The following CELF2 variants were observed in gnomAD, a reference collection of about 807,000 sequenced individuals.
The protein encoded by CELF2 is CUG triplet repeat RNA-binding protein 2.
A neutral mutation model predicts 62.6 loss-of-function variants in CELF2; 8 were observed. That is an observed-to-expected ratio of 0.13 (90% CI 0.07 to 0.23). The LOEUF (loss-of-function observed/expected upper bound fraction) is 0.23, where lower values mean the gene tolerates loss of function less well. CELF2 is among the 10% of genes least tolerant of loss of function. CELF2 has a pLI of 1.00. For synonymous variants in CELF2, 258 were observed against 250.0 expected, an observed-to-expected ratio of 1.03 and a Z score of -0.30; for missense variants, 333 against 671.0, an observed-to-expected ratio of 0.50 and a Z score of 5.56.
rs757818509 is a variant in CELF2, at chr10:11,165,367, C to T, written c.75-119C>T. ...TCAAATTTCTACGACTCATTAGGCA[C>T]TTTGCCACTGCTCTTCTTCCTCCTC... On this transcript the variant is annotated intron_variant, in intron 1 of 12. Coordinates refer to ENST00000633077, the MANE Select transcript of CELF2 (RefSeq NM_001326342.2). This position sits in a 1 kb window ranked among gnomAD's most constrained non-coding sequence, Gnocchi z 7.4. The T allele has an allele frequency of 3.3e-4, 493 of 1,511,960 alleles. No individual in the cohort carries two copies. The highest frequency in any genetic ancestry group is 3.9e-4 in the Non-Finnish European group (437 of 1,133,924). 93.7% of individuals were successfully genotyped at this position (1,511,960 alleles called of 1,614,324 possible).
At position 11,165,056 on chromosome 10, in the gene CELF2, G is replaced by GTC; in HGVS notation, c.75-430_75-429insTC. Reference sequence around the variant, plus strand: ...AAAGGGCGGTGGGGCGGGGGGCGGGGCAGGGAGAGGGAGAGAAATCCAGCA... The same window carrying GTC: ...AAAGGGCGGTGGGGCGGGGGGCGGGGTCCAGGGAGAGGGAGAGAAATCCAGCA... On this transcript the variant is annotated intron_variant, in intron 1 of 12. Transcript: ENST00000633077. This position sits in a 1 kb window ranked among gnomAD's most constrained non-coding sequence, Gnocchi z 7.4. 1 of 292,404 alleles carries GTC rather than the reference G, an allele frequency of 3.4e-6. No homozygotes were observed. 18.1% of individuals were successfully genotyped at this position (292,404 alleles called of 1,614,324 possible).
chr10:10,653,515 A>G, the CELF2 span, among the ~76,000 whole-genome samples: 6 of 139,054 alleles, frequency 4.3e-5, no homozygotes, highest in Non-Finnish European at 7.8e-5. Context: ...ATAACAAACT[A>G]TCTCTCAGAC....
chr10:11,167,965 C>T lies in CELF2; in HGVS notation c.271+2283C>T, dbSNP rs528932948. Among the ~76,000 whole-genome samples, 6 of 152,180 alleles carry T rather than the reference C, an allele frequency of 3.9e-5. No individual in the cohort carries two copies. The South Asian group carries it at 1.2e-3, about 32-fold the overall frequency. On this transcript the variant is annotated intron_variant, in intron 2 of 12. Transcript: ENST00000633077. The stretch of plus-strand genomic sequence containing the variant: ...GGAGATTCGGACATGGTCCATCTGT[C>T]TTCATGGACTACACCATTTTGCGTC...
chr10:11,155,481 T>G (rs1261083786), intron 1 of CELF2, among the ~76,000 whole-genome samples: 1 of 152,118 alleles, frequency 6.6e-6, no homozygotes, highest in Non-Finnish European at 1.5e-5. Flanking sequence ...TGAGAGATCT[T>G]GGAGGAGTGG....
chr10:10,686,430 C>T, the CELF2 span, among the ~76,000 whole-genome samples: 8 of 151,924 alleles, frequency 5.3e-5, no homozygotes, highest in South Asian at 8.3e-4. Flanking sequence ...TTGTGATCAC[C>T]GCATCCCTGA....
intron 1 of CELF2, 34 bp downstream of exon 1, chr10:11,018,197 G>A (rs775096079): frequency 2.1e-5 from 31 of 1,492,490 alleles, no homozygotes; most frequent in Non-Finnish European, 2.4e-5. Context: ...CCGGGCGAGC[G>A]GGCGTCCTCC....
chr10:10,553,501 C>G, the CELF2 span, among the ~76,000 whole-genome samples: 2 of 151,860 alleles, frequency 1.3e-5, no homozygotes, highest in African/African-American at 4.8e-5. Context: ...TTTAACATAT[C>G]TATTTGAGGA....
intron 2 of CELF2, among the ~76,000 whole-genome samples, chr10:10,929,148 A>G (rs964834341): frequency 1.1e-4 from 16 of 152,156 alleles, no homozygotes; most frequent in Non-Finnish European, 1.5e-4. Flanking sequence ...AATTGGCTGG[A>G]AAGTTATTAA....
intron 1 of CELF2, among the ~76,000 whole-genome samples, chr10:10,876,239 T>C (rs962465170): frequency 1.8e-4 from 28 of 152,304 alleles, no homozygotes; most frequent in African/African-American, 6.5e-4. Context: ...TACCTTCCCC[T>C]ATAAATATGT....
chr10:10,656,315 A>G, the CELF2 span, among the ~76,000 whole-genome samples: 2 of 147,772 alleles, frequency 1.4e-5, no homozygotes, highest in Non-Finnish European at 3.0e-5. Flanking sequence ...CAGTGTGGCG[A>G]TTCCTCAGGG....
At chr10:10,613,204 G>A in the CELF2 span, among the ~76,000 whole-genome samples, 67 of 152,230 alleles carry the variant, frequency 4.4e-4, no homozygotes, top group African/African-American at 1.6e-3. Context: ...GAATTACAAA[G>A]GGAGTTTTTT....
At chr10:11,031,967 C>T (rs961042025) in intron 1 of CELF2, among the ~76,000 whole-genome samples, 3 of 152,056 alleles carry the variant, frequency 2.0e-5, no homozygotes, top group Admixed American at 1.3e-4. Flanking sequence ...CACAGTGGCA[C>T]CTCCTCACAC....
rs141006981 is a variant in CELF2 at position 11,048,506 on chromosome 10, A to G, written c.74+30343A>G. Reference sequence around the variant, plus strand: ...TTGTGACAGTAAATGTTCCCGTGCCACCAATCCTGGTTTTCTGTTTTATCC... The same window carrying G: ...TTGTGACAGTAAATGTTCCCGTGCCGCCAATCCTGGTTTTCTGTTTTATCC... On this transcript the variant is annotated intron_variant, in intron 1 of 12. Coordinates refer to ENST00000633077, the MANE Select transcript of CELF2 (RefSeq NM_001326342.2). 4.7e-3 allele frequency among the ~76,000 whole-genome samples: 718 copies of G among 152,308 alleles called. 10 individuals are homozygous for G. Among genetic ancestry groups the G allele is most frequent in the Admixed American group, 0.03 (454 of 15,302 alleles).
chr10:11,073,437 C>T (rs1346821099), intron 1 of CELF2, among the ~76,000 whole-genome samples: 4 of 152,068 alleles, frequency 2.6e-5, no homozygotes, highest in Admixed American at 6.6e-5. Context: ...TGAAACACGC[C>T]GGGATGTTTA....
chr10:11,170,370 A>G (rs1265928287), intron 2 of CELF2, among the ~76,000 whole-genome samples: 1 of 152,204 alleles, frequency 6.6e-6, no homozygotes, highest in Non-Finnish European at 1.5e-5. Context: ...TGAAGACTTA[A>G]AAGGAATGGA....
intron 1 of CELF2, among the ~76,000 whole-genome samples, chr10:11,164,686 G>GCA (rs1175412115): frequency 4.1e-5 from 6 of 146,326 alleles, no homozygotes; most frequent in African/African-American, 1.5e-4. Context: ...TTTTAACCCA[G>GCA]CACAAAGCAG....
chr10:10,737,890 G>T, the CELF2 span, among the ~76,000 whole-genome samples: 1 of 152,212 alleles, frequency 6.6e-6, no homozygotes, highest in Non-Finnish European at 1.5e-5. Context: ...CCCAGCTAAT[G>T]GACTTCCAAT....
chr10:10,828,077 G>T (rs2057551712), intron 1 of CELF2, among the ~76,000 whole-genome samples: 1 of 148,686 alleles, frequency 6.7e-6, no homozygotes, highest in East Asian at 2.0e-4. Flanking sequence ...AAACAGTGCA[G>T]TTGCTACAGA....
the CELF2 span, among the ~76,000 whole-genome samples, chr10:10,664,572 C>CT: frequency 6.6e-6 from 1 of 152,294 alleles, no homozygotes; most frequent in African/African-American, 2.4e-5. Context: ...TATGCATATA[C>CT]TTTTTTCAAT....
Sources: allele counts gnomAD v4.1 joint callset (sites outside exome capture counted in the v4.1 genomes callset), GRCh38; gene constraint gnomAD v4.1.1; non-coding constraint Gnocchi (gnomAD v3.1); transcripts MANE v1.5; gene names NCBI Gene and HGNC (gene_info 2026-07-23, HGNC 2026-07-21).